The following ANKRD30B variants were observed in gnomAD, a reference collection of about 807,000 sequenced individuals.
ANKRD30B encodes ankyrin repeat domain-containing protein 30B.
ANKRD30B carries 144 observed loss-of-function variants against 202.2 expected under a neutral mutation model. The observed-to-expected ratio is 0.71, with a 90% CI of 0.62 to 0.82. The LOEUF (loss-of-function observed/expected upper bound fraction) is 0.82. Among genes scored for constraint, ANKRD30B ranks in the 40% least tolerant of loss-of-function variants. ANKRD30B has a pLI of 0.00. For missense variants in ANKRD30B, 1,487 were observed against 1,669.1 expected (o/e 0.89, Z 1.90); for synonymous variants, 508 against 561.3 (o/e 0.91, Z 1.34).
chr18:14,757,267 A>C (rs1914518966), intron 4 of ANKRD30B, among the ~76,000 whole-genome samples: 1 of 152,218 alleles, frequency 6.6e-6, no homozygotes, highest in African/African-American at 2.4e-5. Flanking sequence ...CAAACATTAC[A>C]TAATACCGAG....
the ANKRD30B span, among the ~76,000 whole-genome samples, chr18:14,909,461 G>T: frequency 6.6e-6 from 1 of 152,190 alleles, no homozygotes; most frequent in Non-Finnish European, 1.5e-5. Context: ...AGGCTGGAGT[G>T]CAGTGGTGTG....
At chr18:14,859,955 C>G in the ANKRD30B span, among the ~76,000 whole-genome samples, 1 of 122,180 alleles carries the variant, frequency 8.2e-6, no homozygotes, top group African/African-American at 3.2e-5. Context: ...CACTCCTCAC[C>G]TCCCAGATGG....
chr18:14,926,442 G>A, the ANKRD30B span, among the ~76,000 whole-genome samples: 1 of 152,116 alleles, frequency 6.6e-6, no homozygotes, highest in Non-Finnish European at 1.5e-5. Context: ...ACCTGTGTGG[G>A]CAGCTCTCGT....
chr18:14,851,820 A>G lies in ANKRD30B; in HGVS notation c.3876A>G (p.Thr1292=). 3.8e-6 allele frequency: 6 copies of G among 1,593,384 alleles called. No individual in the cohort carries two copies. The South Asian group carries it at 5.6e-5, about 15-fold the overall frequency. Residue 1292 remains threonine (T), a synonymous_variant, in exon 42 of 44, where the codon ACA becomes ACG. Coordinates refer to ENST00000690538, the MANE Select transcript of ANKRD30B (RefSeq NM_001367607.2). ...AACAAGACAAAGAAATACTGGAGACAGAAATTGAATCACACCATCCTAGAC... is the reference window on the plus strand; with the variant it reads ...AACAAGACAAAGAAATACTGGAGACGGAAATTGAATCACACCATCCTAGAC... The part of the protein sequence containing the change: ...KEKQDKEILE[T]EIESHHPRLA...
intron 9 of ANKRD30B, among the ~76,000 whole-genome samples, chr18:14,776,278 T>C (rs1395726793): frequency 6.6e-6 from 1 of 152,210 alleles, no homozygotes; most frequent in African/African-American, 2.4e-5. Context: ...GATTATGCTG[T>C]AGTAGTAGGA....
Position 14,796,417 on chromosome 18 carries a change from TA to T in ANKRD30B, c.1927+5del, listed in dbSNP as rs776347147. On this transcript the variant is annotated splice_donor_region_variant and intron_variant, in intron 18 of 43. Coordinates refer to ENST00000690538, the MANE Select transcript of ANKRD30B (RefSeq NM_001367607.2). ...AGGACAGAGAAACATTCAAAGCAGG[TA>T]AATTTTGTAATTTAACTTTTAATCT... The T allele has an allele frequency of 1.0e-5, 16 of 1,543,048 alleles. No individual in the cohort carries two copies. The highest frequency in any genetic ancestry group is 8.6e-5 in the South Asian group (7 of 81,804).
chr18:14,874,147 C>A, the ANKRD30B span, among the ~76,000 whole-genome samples: 1 of 152,184 alleles, frequency 6.6e-6, no homozygotes, highest in East Asian at 1.9e-4. Flanking sequence ...TTCAGAAGAG[C>A]CTGGCACAGA....
chr18:14,786,976 T>G (rs1968122440), intron 14 of ANKRD30B, 63 bp from the exon 15 acceptor site: 1 of 1,500,518 alleles, frequency 6.7e-7, no homozygotes, highest in East Asian at 2.3e-5. Context: ...GACTTGTGTA[T>G]GTTTTTAAAA....
At chr18:14,804,466 TC>T in intron 24 of ANKRD30B, among the ~76,000 whole-genome samples, 1 of 146,400 alleles carries the variant, frequency 6.8e-6, no homozygotes, top group African/African-American at 2.6e-5. Flanking sequence ...TAGAAAACCG[TC>T]TGAAAACCTT....
chr18:14,884,708 G>T, the ANKRD30B span, among the ~76,000 whole-genome samples: 58 of 152,198 alleles, frequency 3.8e-4, no homozygotes, highest in African/African-American at 1.3e-3. Context: ...TAAATATCTG[G>T]TTCCCTGAGA....
intron 6 of ANKRD30B, 117 bp from the exon 7 acceptor site, chr18:14,763,569 A>C: frequency 1.4e-6 from 2 of 1,418,858 alleles, no homozygotes; most frequent in Non-Finnish European, 1.9e-6. Context: ...AAGAGAGAAA[A>C]GAAAAGTTTG....
the ANKRD30B span, among the ~76,000 whole-genome samples, chr18:14,941,014 A>G: frequency 7.9e-5 from 12 of 152,270 alleles, no homozygotes; most frequent in African/African-American, 2.4e-4. Context: ...GGGACTCTGT[A>G]TGTGCTCCCA....
chr18:14,808,269 G>A lies in ANKRD30B; in HGVS notation c.2285-282G>A, dbSNP rs566681809. 1.3e-4 allele frequency: 54 copies of A among 421,518 alleles called. 2 individuals are homozygous for A. Among genetic ancestry groups the A allele is most frequent in the South Asian group, 1.0e-3 (49 of 48,280 alleles). The allele number at this position is 421,518 out of a possible 1,614,324, so 26.1% of individuals were successfully genotyped here. ...CCTATACGGCAGATTAATCTTACTG[G>A]TATTAGGATTTTTCTACTTTAGTTA... On this transcript the variant is annotated intron_variant, in intron 24 of 43. Transcript: ENST00000690538.
In ANKRD30B at chr18:14,810,178, C is replaced by A. The variant is rs752043156; in HGVS notation, c.2486C>A (p.Ala829Glu). 6.1e-5 allele frequency: 84 copies of A among 1,382,396 alleles called. 1 individual carries two copies. The highest frequency in any genetic ancestry group is 4.3e-5 in the Admixed American group (2 of 46,448). 85.6% of individuals were successfully genotyped at this position (1,382,396 alleles called of 1,614,324 possible). ...LELKDRETLK[A>E]AQMFPSESKQ... ...TTAAAGGACAGAGAAACATTAAAAG[C>A]AGGTAAACTTTGTAATTTAAATTTT... is the stretch of plus-strand genomic sequence containing the variant. The change falls in exon 28 of 44, where the codon GCA becomes GAA. Residue 829 changes from alanine to glutamate, a missense_variant and splice_region_variant. Physicochemically the swap from Ala to Glu is moderately radical, Grantham distance 107. This residue lies in a region of ANKRD30B where 218 missense variants were observed against 320.1 expected (regional missense o/e 0.68). Coordinates refer to ENST00000690538, the MANE Select transcript of ANKRD30B (RefSeq NM_001367607.2).
chr18:14,793,981 A>T (rs902336491), intron 16 of ANKRD30B, among the ~76,000 whole-genome samples: 1 of 152,136 alleles, frequency 6.6e-6, no homozygotes, highest in African/African-American at 2.4e-5. Flanking sequence ...GCATCATAAT[A>T]ATTATAGATG....
intron 16 of ANKRD30B, among the ~76,000 whole-genome samples, chr18:14,792,805 C>T (rs1201227248): frequency 6.6e-6 from 1 of 151,376 alleles, no homozygotes; most frequent in African/African-American, 2.4e-5. Flanking sequence ...ATGTAAGAAC[C>T]TTGGCTTTAT....
intron 1 of ANKRD30B, among the ~76,000 whole-genome samples, chr18:14,751,842 A>G (rs1205257453): frequency 7.1e-6 from 1 of 140,366 alleles, no homozygotes; most frequent in Non-Finnish European, 1.6e-5. Context: ...TAGGACTGCC[A>G]TCGTCCTGTT....
the ANKRD30B span, among the ~76,000 whole-genome samples, chr18:14,862,115 G>A: frequency 2.0e-5 from 3 of 151,670 alleles, no homozygotes; most frequent in Admixed American, 6.6e-5. Flanking sequence ...ATACCAAAAC[G>A]TCTGGGATAC....
At chr18:14,900,667 T>C in the ANKRD30B span, among the ~76,000 whole-genome samples, 1 of 152,194 alleles carries the variant, frequency 6.6e-6, no homozygotes, top group African/African-American at 2.4e-5. Flanking sequence ...TTCCCAGTCT[T>C]TGTTACAGCT....
Sources: allele counts gnomAD v4.1 joint callset (sites outside exome capture counted in the v4.1 genomes callset), GRCh38; gene constraint gnomAD v4.1.1; regional missense constraint gnomAD v4.1.1; transcripts MANE v1.5; gene names NCBI Gene and HGNC (gene_info 2026-07-23, HGNC 2026-07-21).